The following PBX1 variants were observed in gnomAD, a reference collection of about 807,000 sequenced individuals.
The protein encoded by PBX1 is PBX homeobox 1.
In PBX1, 6 loss-of-function variants were observed where a neutral mutation model predicts 53.4. That is an observed-to-expected ratio of 0.11 (90% CI 0.06 to 0.22). The LOEUF is 0.22. Ranked by LOEUF, PBX1 falls within the 10% of genes least tolerant of loss-of-function variation. PBX1 has a pLI of 1.00. For missense variants in PBX1, 251 were observed against 551.4 expected (o/e 0.46, Z 5.46); for synonymous variants, 204 against 212.3 (o/e 0.96, Z 0.34).
rs1553211952 is a variant in PBX1 at position 164,588,500 on chromosome 1, T to TTTA, written c.265+25189_265+25190insTTA. On this transcript the variant is annotated intron_variant, in intron 2 of 8. Coordinates refer to ENST00000420696, the MANE Select transcript of PBX1 (RefSeq NM_002585.4). ...TTTTTTTTTTTTTTTTTTTTTTTTT[T>TTTA]AGTTTCGAAGCATATGGTGAAGTGT... 1.8e-3 allele frequency among the ~76,000 whole-genome samples: 251 copies of TTTA among 138,878 alleles called. 5 individuals carry two copies. The highest frequency in any genetic ancestry group is 6.9e-3 in the African/African-American group (244 of 35,440). 91.1% of individuals were successfully genotyped at this position (138,878 alleles called of 152,430 possible).
chr1:164,575,626 T>C (rs1056713304), intron 2 of PBX1, among the ~76,000 whole-genome samples: 8 of 152,300 alleles, frequency 5.3e-5, no homozygotes, highest in African/African-American at 1.9e-4. Context: ...AAAGAAAGAC[T>C]CCCAGAGAGT....
At position 164,724,045 on chromosome 1, in the gene PBX1, A is replaced by G. The variant is rs138382574; in HGVS notation, c.266-68449A>G. 6.8e-3 allele frequency among the ~76,000 whole-genome samples: 1,038 copies of G among 152,290 alleles called. 12 individuals are homozygous for G. Among genetic ancestry groups the G allele is most frequent in the African/African-American group, 0.024 (990 of 41,546 alleles). Reference sequence around the variant, plus strand: ...TACCAGAAACAAGGTTCTTTCAACTAAAACCTGGAATGACTTTCTTAGAAG... The same window carrying G: ...TACCAGAAACAAGGTTCTTTCAACTGAAACCTGGAATGACTTTCTTAGAAG... On this transcript the variant is annotated intron_variant, in intron 2 of 8. Transcript: ENST00000420696.
chr1:164,622,461 C>T (rs1283102392), intron 2 of PBX1, among the ~76,000 whole-genome samples: 1 of 152,168 alleles, frequency 6.6e-6, no homozygotes, highest in African/African-American at 2.4e-5. Flanking sequence ...CTGATTGTTT[C>T]TGAGGCTGCT....
intron 2 of PBX1, among the ~76,000 whole-genome samples, chr1:164,875,069 C>T (rs1672472380): frequency 6.6e-6 from 1 of 152,188 alleles, no homozygotes; most frequent in Admixed American, 6.5e-5. Flanking sequence ...CACCTCCCCT[C>T]AGTGTGCTGG....
chr1:164,770,883 T>C (rs1181720790), intron 2 of PBX1: 2 of 152,226 alleles, frequency 1.3e-5, no homozygotes, highest in African/African-American at 2.4e-5. Flanking sequence ...CAAAGACTGC[T>C]GCTTGTCCTG....
chr1:164,855,261 T>A (rs1671953935), downstream of PBX1, among the ~76,000 whole-genome samples: 1 of 152,112 alleles, frequency 6.6e-6, no homozygotes, highest in Non-Finnish European at 1.5e-5. Context: ...TCTTTTAAAT[T>A]AAAATTCAAA....
chr1:164,602,262 G>A (rs984261676), intron 2 of PBX1, among the ~76,000 whole-genome samples: 1 of 152,078 alleles, frequency 6.6e-6, no homozygotes, highest in African/African-American at 2.4e-5. Flanking sequence ...GACTAGAAAG[G>A]CTTGCTGAAA....
At chr1:164,646,653 T>C (rs1175384085) in intron 2 of PBX1, among the ~76,000 whole-genome samples, 1 of 152,174 alleles carries the variant, frequency 6.6e-6, no homozygotes, top group East Asian at 1.9e-4. Flanking sequence ...CTGTGTACAT[T>C]TGTTAGGATA....
At chr1:164,604,423 CT>C (rs1273200590) in intron 2 of PBX1, among the ~76,000 whole-genome samples, 1 of 152,196 alleles carries the variant, frequency 6.6e-6, no homozygotes, top group Non-Finnish European at 1.5e-5. Flanking sequence ...CCCTTCCACC[CT>C]GACATTCATT....
intron 2 of PBX1, among the ~76,000 whole-genome samples, chr1:164,863,184 T>C (rs2102444679): frequency 6.6e-6 from 1 of 152,356 alleles, no homozygotes; most frequent in East Asian, 1.9e-4. Context: ...CCAGCCATGC[T>C]GGGCCCTGGC....
chr1:164,736,469 GCT>G (rs575863158), intron 2 of PBX1, among the ~76,000 whole-genome samples: 230 of 152,132 alleles, frequency 1.5e-3, no homozygotes, highest in African/African-American at 5.3e-3. Context: ...CTCATTCCAC[GCT>G]CTCTCGTCTC....
At chr1:164,824,910 C>T (rs957138291) in intron 8 of PBX1, among the ~76,000 whole-genome samples, 1 of 152,172 alleles carries the variant, frequency 6.6e-6, no homozygotes, top group Non-Finnish European at 1.5e-5. Context: ...GCCATAACTT[C>T]CTAATCACTG....
chr1:164,777,856 T>G (rs1286979076), intron 2 of PBX1, among the ~76,000 whole-genome samples: 2 of 152,224 alleles, frequency 1.3e-5, no homozygotes, highest in African/African-American at 2.4e-5. Flanking sequence ...TAATTCACAT[T>G]GGTTTGCAGA....
intron 2 of PBX1, among the ~76,000 whole-genome samples, chr1:164,619,528 C>T (rs138982665): frequency 1.3e-4 from 20 of 152,208 alleles, no homozygotes; most frequent in African/African-American, 4.3e-4. Context: ...CTTTCTTACA[C>T]CTTTGAAAAA....
rs111871350 is a variant in PBX1, at chr1:164,603,711, G to C, written c.265+40400G>C. On this transcript the variant is annotated intron_variant, in intron 2 of 8. Coordinates refer to ENST00000420696, the MANE Select transcript of PBX1 (RefSeq NM_002585.4). The stretch of plus-strand genomic sequence containing the variant: ...TCAAATAGAATGCTTACAATAAACT[G>C]TATGGAGGATACCTACATAAGTCAT... Among the ~76,000 whole-genome samples, 1,291 of 152,190 alleles carry C rather than the reference G, an allele frequency of 8.5e-3. 24 individuals carry two copies. Among genetic ancestry groups the C allele is most frequent in the African/African-American group, 0.029 (1,223 of 41,506 alleles).
chr1:164,772,622 G>A (rs1667434000), intron 2 of PBX1, among the ~76,000 whole-genome samples: 1 of 152,154 alleles, frequency 6.6e-6, no homozygotes, highest in Non-Finnish European at 1.5e-5. Flanking sequence ...AAAGGGACTA[G>A]GACAGCCCAC....
chr1:164,591,083 C>T lies in PBX1; in HGVS notation c.265+27772C>T, dbSNP rs536636327. Among the ~76,000 whole-genome samples, 4 of 149,578 alleles carry T rather than the reference C, an allele frequency of 2.7e-5. No homozygotes were observed. The South Asian group carries it at 8.4e-4, about 32-fold the overall frequency. ...CTGGAGTGCAGTGACATGATCTTGGCTCACTGCATCCTCTGCCTCCCAGGT... is the reference window on the plus strand; with the variant it reads ...CTGGAGTGCAGTGACATGATCTTGGTTCACTGCATCCTCTGCCTCCCAGGT... On this transcript the variant is annotated intron_variant, in intron 2 of 8. Coordinates refer to ENST00000420696, the MANE Select transcript of PBX1 (RefSeq NM_002585.4).
intron 2 of PBX1, chr1:164,884,597 C>A: frequency 2.0e-6 from 1 of 508,382 alleles, no homozygotes; most frequent in Non-Finnish European, 3.8e-6. Flanking sequence ...AGCAAGTCCT[C>A]TTCTCTTGAC....
chr1:164,639,001 C>T (rs1006339971), intron 2 of PBX1, among the ~76,000 whole-genome samples: 2 of 152,172 alleles, frequency 1.3e-5, no homozygotes, highest in African/African-American at 4.8e-5. Flanking sequence ...TGAATAGTAG[C>T]CAGAGTACAG....
Sources: allele counts gnomAD v4.1 joint callset (sites outside exome capture counted in the v4.1 genomes callset), GRCh38; gene constraint gnomAD v4.1.1; transcripts MANE v1.5; gene names NCBI Gene and HGNC (gene_info 2026-07-23, HGNC 2026-07-21).